Variants in NUTM2F observed in about 807,000 individuals in gnomAD.
NUTM2F encodes the protein family with sequence similarity 22, member F.
In NUTM2F, 22 loss-of-function variants were observed where a neutral mutation model predicts 43.3. That is an observed-to-expected ratio of 0.51 (90% confidence interval 0.36 to 0.73). NUTM2F has a LOEUF of 0.73. NUTM2F is among the 30% of genes least tolerant of loss of function. The pLI is 0.00. For synonymous variants in NUTM2F, 202 were observed against 389.0 expected, an observed-to-expected ratio of 0.52 and a Z score of 5.66; for missense variants, 488 against 927.4, an observed-to-expected ratio of 0.53 and a Z score of 6.15.
rs1417509836 is a variant in NUTM2F, at chr9:94,328,626, C to G, written c.-3G>C. 1.2e-6 allele frequency: 2 copies of G among 1,613,456 alleles called. No homozygotes were observed. Among genetic ancestry groups the G allele is most frequent in the Non-Finnish European group, 1.7e-6 (2 of 1,179,762 alleles). ...GGCTCACCTCCATTTGAAGCCATCCCCTCAGGCTGGGCACTGACCACCACT... is the reference window on the plus strand; with the variant it reads ...GGCTCACCTCCATTTGAAGCCATCCGCTCAGGCTGGGCACTGACCACCACT... On this transcript the variant is annotated 5_prime_UTR_variant, in exon 1 of 7. Coordinates refer to ENST00000253262, the MANE Select transcript of NUTM2F (RefSeq NM_017561.2).
In NUTM2F at chr9:94,322,331, T is replaced by A. The variant is rs1831387563; in HGVS notation, c.714-2A>T. The A allele has an allele frequency of 6.2e-7, 1 of 1,611,788 alleles. No homozygotes were observed. Among genetic ancestry groups the A allele is most frequent in the Admixed American group, 1.7e-5 (1 of 59,974 alleles). The stretch of plus-strand genomic sequence containing the variant: ...CGGGCCAGGGATCGGAGAACTGGGC[T>A]GTAAACCAGTGCAGTCAGTCCCAGT... On this transcript the variant is annotated splice_acceptor_variant, in intron 2 of 6. Transcript: ENST00000253262. LOFTEE classifies it high-confidence loss of function.
intron 3 of NUTM2F, 130 bp from the exon 4 acceptor site, chr9:94,321,362 A>G (rs1198932627): frequency 1.4e-6 from 2 of 1,448,596 alleles, no homozygotes; most frequent in Non-Finnish European, 1.8e-6. Context: ...ACTGGGACCC[A>G]TCCCCCAGTC....
At position 94,325,974 on chromosome 9, in the gene NUTM2F, C is replaced by T. The variant is rs761820673; in HGVS notation, c.17-40G>A. ...GAAAGAGGTGAATGAGCTGGCGTCT[C>T]CAGGTCCACACTAGTCACTGGGGAA... On this transcript the variant is annotated intron_variant, in intron 1 of 6. Coordinates refer to ENST00000253262, the MANE Select transcript of NUTM2F (RefSeq NM_017561.2). The T allele has an allele frequency of 4.4e-6, 7 of 1,607,950 alleles. No individual in the cohort carries two copies. In the East Asian group the frequency reaches 1.3e-4, roughly 31 times the overall value.
chr9:94,321,019 G>A (rs1024872706), intron 4 of NUTM2F, 74 bp downstream of exon 4: 2 of 1,511,380 alleles, frequency 1.3e-6, no homozygotes, highest in African/African-American at 2.8e-5. Context: ...GGAAGCATGG[G>A]GTGTGGGGAC....
At chr9:94,327,074 CA>C (rs1831459646) in intron 1 of NUTM2F, among the ~76,000 whole-genome samples, 1 of 147,264 alleles carries the variant, frequency 6.8e-6, no homozygotes, top group Non-Finnish European at 1.5e-5. Flanking sequence ...GCAGGGCTAT[CA>C]GGGGAGGTGT....
Position 94,325,805 on chromosome 9 carries a change from G to A in NUTM2F, c.146C>T (p.Pro49Leu), listed in dbSNP as rs750245035. ...AGAGAGCACCAGAGGGCCGGCTGGAGGAACCACTGCAGTCACGAGGGGCGG... is the reference window on the plus strand; with the variant it reads ...AGAGAGCACCAGAGGGCCGGCTGGAAGAACCACTGCAGTCACGAGGGGCGG... ...HRPPLVTAVV[P>L]PAGPLVLSAF... The change falls in exon 2 of 7, where the codon CCT becomes CTT. Residue 49 changes from proline (P) to leucine (L), a missense_variant. Transcript: ENST00000253262. 9.3e-6 allele frequency: 15 copies of A among 1,612,166 alleles called. No individual in the cohort carries two copies. Among genetic ancestry groups the A allele is most frequent in the African/African-American group, 2.7e-5 (2 of 75,010 alleles).
intron 1 of NUTM2F, among the ~76,000 whole-genome samples, chr9:94,327,394 G>A (rs909818746): frequency 4.0e-5 from 6 of 148,320 alleles, no homozygotes; most frequent in African/African-American, 1.2e-4. Flanking sequence ...GAGCCACCGC[G>A]CCCGGCCAGG....
intron 1 of NUTM2F, among the ~76,000 whole-genome samples, chr9:94,326,542 G>A (rs1831454330): frequency 1.3e-5 from 2 of 152,118 alleles, no homozygotes; most frequent in Admixed American, 1.3e-4. Flanking sequence ...CCTGAGGTCA[G>A]GAGTTGAAGA....
At position 94,322,318 on chromosome 9, in the gene NUTM2F, C is replaced by A. The variant is rs547559446; in HGVS notation, c.725G>T (p.Arg242Leu). 6.2e-7 allele frequency: 1 copy of A among 1,611,838 alleles called. No individual in the cohort carries two copies. The highest frequency in any genetic ancestry group is 8.5e-7 in the Non-Finnish European group (1 of 1,179,850). The change falls in exon 3 of 7, where the codon CGA becomes CTA. Residue 242 changes from arginine (R) to leucine (L), a missense_variant. Transcript: ENST00000253262. ...ALSCFLIPVL[R>L]SLARRKPTMT... ...GGTGGGCTTCCGCCGGGCCAGGGATCGGAGAACTGGGCTGTAAACCAGTGC... is the reference window on the plus strand; with the variant it reads ...GGTGGGCTTCCGCCGGGCCAGGGATAGGAGAACTGGGCTGTAAACCAGTGC...
rs554953874 is a variant in NUTM2F, at chr9:94,327,289, A to T, written c.16+1319T>A. On this transcript the variant is annotated intron_variant, in intron 1 of 6. Coordinates refer to ENST00000253262, the MANE Select transcript of NUTM2F (RefSeq NM_017561.2). ...CAGCCAATTTTTGTATTTTTAGTAG[A>T]GACGGGGTTTCACCATATTGGTCAG... is the stretch of plus-strand genomic sequence containing the variant. Among the ~76,000 whole-genome samples the T allele has an allele frequency of 6.6e-3, 999 of 151,826 alleles. 9 individuals are homozygous for T. The highest frequency in any genetic ancestry group is 0.023 in the African/African-American group (952 of 41,392).
At chr9:94,321,718 G>A (rs888311169) in intron 3 of NUTM2F, among the ~76,000 whole-genome samples, 8 of 145,554 alleles carry the variant, frequency 5.5e-5, no homozygotes, top group Non-Finnish European at 1.2e-4. Flanking sequence ...CTTCACGGAC[G>A]GTTCTGCCCA....
chr9:94,324,793 C>A (rs924037508), intron 2 of NUTM2F, among the ~76,000 whole-genome samples: 3 of 151,410 alleles, frequency 2.0e-5, no homozygotes, highest in African/African-American at 7.3e-5. Context: ...GAGTTCAAGA[C>A]CAGCCTGACC....
chr9:94,326,083 G>C lies in NUTM2F; in HGVS notation c.17-149C>G, dbSNP rs1330756129. 8.3e-6 allele frequency: 6 copies of C among 721,806 alleles called. No individual in the cohort carries two copies. In the Admixed American group the frequency reaches 1.6e-4, roughly 19 times the overall value. 44.7% of individuals were successfully genotyped at this position (721,806 alleles called of 1,614,324 possible). A position where few individuals can be genotyped will look rare whatever the true frequency, so the allele number is the denominator to read the frequency against. On this transcript the variant is annotated intron_variant, in intron 1 of 6. Transcript: ENST00000253262. ...TCCCTGAGTGTGCATCAGATGCTCT[G>C]TTCCTCCACGGCAGAGTCGCTCCAC...
At chr9:94,327,258 C>T (rs1831462945) in intron 1 of NUTM2F, among the ~76,000 whole-genome samples, 1 of 151,954 alleles carries the variant, frequency 6.6e-6, no homozygotes, top group African/African-American at 2.4e-5. Flanking sequence ...CGCCCGCCAC[C>T]ATGCCCAGCC....
At chr9:94,324,780 C>A (rs572615909) in intron 2 of NUTM2F, among the ~76,000 whole-genome samples, 1 of 151,396 alleles carries the variant, frequency 6.6e-6, no homozygotes, top group African/African-American at 2.4e-5. Flanking sequence ...CACCTGAGGT[C>A]GGGAGTTCAA....
At position 94,319,076 on chromosome 9, in the gene NUTM2F, TCTG is replaced by T. The variant is rs1193073133; in HGVS notation, c.1657_1659del (p.Gln553del). On this transcript the variant is annotated inframe_deletion, in exon 7 of 7. Transcript: ENST00000253262. ...TGTCCCTGAGGGTCCTGGGCAGCTGTCTGGGGTGGGGAGGTTTCCACGCTGACC... is the reference window on the plus strand; with the variant it reads ...TGTCCCTGAGGGTCCTGGGCAGCTGTGGGTGGGGAGGTTTCCACGCTGACC... 2.0e-5 allele frequency: 18 copies of T among 918,916 alleles called. No individual in the cohort carries two copies. The Admixed American group carries it at 4.9e-4, about 25-fold the overall frequency. The allele number at this position is 918,916 out of a possible 1,614,324, so 56.9% of individuals were successfully genotyped here.
intron 2 of NUTM2F, among the ~76,000 whole-genome samples, chr9:94,323,181 G>A (rs1398150100): frequency 1.3e-5 from 2 of 152,106 alleles, no homozygotes; most frequent in East Asian, 1.9e-4. Context: ...CTGTGAGCCC[G>A]GGGCGGCTAC....
At chr9:94,328,378 C>A (rs555270786) in intron 1 of NUTM2F, among the ~76,000 whole-genome samples, 37 of 152,306 alleles carry the variant, frequency 2.4e-4, no homozygotes, top group South Asian at 2.1e-4. Flanking sequence ...ATCCTTTCCA[C>A]TACACGGTGT....
At chr9:94,322,369 C>T in intron 2 of NUTM2F, 40 bp from the exon 3 acceptor site, 1 of 1,611,164 alleles carries the variant, frequency 6.2e-7, no homozygotes, top group Non-Finnish European at 8.5e-7. Flanking sequence ...GTAAGCCCAC[C>T]CTCCATCCCG....
Sources: allele counts gnomAD v4.1 joint callset (sites outside exome capture counted in the v4.1 genomes callset), GRCh38; gene constraint gnomAD v4.1.1; transcripts MANE v1.5; gene names NCBI Gene and HGNC (gene_info 2026-07-23, HGNC 2026-07-21).